TRIM43: variants seen among roughly 807,000 people sequenced by gnomAD.
TRIM43 encodes tripartite motif containing 43.
Under a neutral mutation model 27.7 loss-of-function variants are expected in TRIM43, and 12 were observed. The observed-to-expected ratio is 0.43, with a 90% CI of 0.28 to 0.70. The LOEUF (loss-of-function observed/expected upper bound fraction) is 0.70, where lower values mean the gene tolerates loss of function less well. TRIM43 is among the 30% of genes least tolerant of loss of function. The pLI is 0.17. For synonymous variants in TRIM43, 64 were observed against 121.9 expected (o/e 0.52, Z 3.13); for missense variants, 186 against 356.5 (o/e 0.52, Z 3.85).
chr2:95,594,990 C>T, intron 2 of TRIM43, 60 bp from the exon 3 acceptor site: 1 of 1,565,080 alleles, frequency 6.4e-7, no homozygotes, highest in Non-Finnish European at 8.7e-7. Context: ...GTATACCACT[C>T]AGATTGTGGA....
In TRIM43 at chr2:95,594,198, T is replaced by C. The variant is rs761213139; in HGVS notation, c.175T>C (p.Ser59Pro). 6.2e-7 allele frequency: 1 copy of C among 1,610,544 alleles called. No homozygotes were observed. The highest frequency in any genetic ancestry group is 8.5e-7 in the Non-Finnish European group (1 of 1,178,144). The change falls in exon 2 of 7, where the codon TCA (serine) becomes CCA (proline). Residue 59 changes from serine to proline, a missense_variant. Coordinates refer to ENST00000272395, the MANE Select transcript of TRIM43 (RefSeq NM_138800.3). Reference protein sequence around the residue: ...PANCPACREPSPKMDFKTNIL... With the variant: ...PANCPACREPPPKMDFKTNIL... Reference sequence around the variant, plus strand: ...AAACTGCCCTGCATGCAGGGAACCATCACCGAAAATGGACTTCAAAACCAA... The same window carrying C: ...AAACTGCCCTGCATGCAGGGAACCACCACCGAAAATGGACTTCAAAACCAA...
Position 95,595,041 on chromosome 2 carries a change from C to G in TRIM43, c.412-9C>G. ...CTTTCTGTTGTTCAACCTTGTAATT[C>G]TTTTGCAGGAGAAACTCTTAAAGCA... On this transcript the variant is annotated splice_polypyrimidine_tract_variant and intron_variant, in intron 2 of 6. Transcript: ENST00000272395. 1 of 1,606,910 alleles carries G rather than the reference C, an allele frequency of 6.2e-7. No homozygotes were observed. The highest frequency in any genetic ancestry group is 8.5e-7 in the Non-Finnish European group (1 of 1,175,596).
At chr2:95,592,289 A>AT (rs1162435132) in intron 1 of TRIM43, 140 bp downstream of exon 1, 1 of 151,784 alleles carries the variant, frequency 6.6e-6, no homozygotes, top group Non-Finnish European at 1.5e-5. Context: ...AAACGGCTCC[A>AT]TTTCTTTTTT....
rs71427043 is a variant in TRIM43, at chr2:95,593,897, G to A, written c.-4-123G>A. On this transcript the variant is annotated intron_variant, in intron 1 of 6. Transcript: ENST00000272395. ...TGTTTTTCCTATTTCTGTCATTGCAGATTAAAGCCTATACTTCTTTAGAAA... is the reference window on the plus strand; with the variant it reads ...TGTTTTTCCTATTTCTGTCATTGCAAATTAAAGCCTATACTTCTTTAGAAA... The A allele has an allele frequency of 2.0e-6, 3 of 1,521,126 alleles. No individual in the cohort carries two copies. In the African/African-American group the frequency reaches 4.2e-5, roughly 21 times the overall value. 94.2% of individuals were successfully genotyped at this position (1,521,126 alleles called of 1,614,324 possible).
Position 95,594,430 on chromosome 2 carries a change from A to T in TRIM43, c.407A>T (p.His136Leu), listed in dbSNP as rs750393692. The T allele has an allele frequency of 6.2e-7, 1 of 1,610,860 alleles. No homozygotes were observed. The highest frequency in any genetic ancestry group is 2.2e-5 in the East Asian group (1 of 44,864). ...HHPIEEAAEEHREKLLKQMRI... is the reference protein window; with the variant it reads ...HHPIEEAAEELREKLLKQMRI... ...CCCATCGAAGAGGCAGCTGAGGAAC[A>T]CCGGGTAAGAGATAGCTCTGTGATC... Residue 136 changes from histidine to leucine, a missense_variant, in exon 2 of 7, where the codon CAC becomes CTC. His to Leu is a moderately conservative substitution (Grantham distance 99). Coordinates refer to ENST00000272395, the MANE Select transcript of TRIM43 (RefSeq NM_138800.3).
intron 4 of TRIM43, 25 bp downstream of exon 4, chr2:95,596,457 G>A (rs769812709): frequency 6.4e-7 from 1 of 1,562,784 alleles, no homozygotes; most frequent in Admixed American, 1.8e-5. Context: ...TGCCCCTTGA[G>A]ACACTTTGTG....
At chr2:95,598,964 TCC>T in intron 6 of TRIM43, 126 bp from the exon 7 acceptor site, 1 of 2,806 alleles carries the variant, frequency 3.6e-4, no homozygotes, top group Non-Finnish European at 6.8e-4. Flanking sequence ...ACCCTTTGAT[TCC>T]AACATTTTTC....
rs2464729 is a variant in TRIM43, at chr2:95,594,429, C to T, written c.406C>T (p.His136Tyr). The T allele has an allele frequency of 1.1e-4, 180 of 1,610,314 alleles. 5 individuals carry two copies. The highest frequency in any genetic ancestry group is 1.4e-4 in the Non-Finnish European group (160 of 1,179,420). The stretch of plus-strand genomic sequence containing the variant: ...TCCCATCGAAGAGGCAGCTGAGGAA[C>T]ACCGGGTAAGAGATAGCTCTGTGAT... The part of the protein sequence containing the change: ...HHPIEEAAEE[H>Y]REKLLKQMRI... Residue 136 changes from histidine to tyrosine, a missense_variant, in exon 2 of 7, where the codon CAC becomes TAC. Transcript: ENST00000272395.
At chr2:95,592,878 G>A (rs1166320967) in intron 1 of TRIM43, among the ~76,000 whole-genome samples, 1 of 150,600 alleles carries the variant, frequency 6.6e-6, no homozygotes, top group East Asian at 1.9e-4. Context: ...CTGACTTACT[G>A]TCTAGTGCCT....
At chr2:95,592,185 A>G (rs1441536938) in intron 1 of TRIM43, 36 bp downstream of exon 1, 1 of 151,886 alleles carries the variant, frequency 6.6e-6, no homozygotes, top group Admixed American at 6.6e-5. Flanking sequence ...AGCTACTATT[A>G]GGAGCTACAA....
At chr2:95,593,036 A>G (rs903328870) in intron 1 of TRIM43, among the ~76,000 whole-genome samples, 3 of 151,474 alleles carry the variant, frequency 2.0e-5, no homozygotes, top group Admixed American at 6.6e-5. Context: ...AGCTGGGACT[A>G]CAGGCGTCCT....
intron 4 of TRIM43, 53 bp downstream of exon 4, chr2:95,596,485 C>T (rs1685357141): frequency 6.7e-7 from 1 of 1,494,576 alleles, no homozygotes; most frequent in East Asian, 2.5e-5. Flanking sequence ...ACCTTTACAT[C>T]TTTGCCTTCC....
rs573084944 is a variant in TRIM43, at chr2:95,595,064, G to T, written c.426G>T (p.Lys142Asn). 6.2e-7 allele frequency: 1 copy of T among 1,610,172 alleles called. No homozygotes were observed. The highest frequency in any genetic ancestry group is 1.7e-5 in the Admixed American group (1 of 59,620). The change falls in exon 3 of 7, where the codon AAG (lysine) becomes AAT (asparagine). Residue 142 changes from lysine to asparagine, a missense_variant. Physicochemically the swap from Lys to Asn is moderately conservative, Grantham distance 94. Transcript: ENST00000272395. ...AAEEHREKLL[K>N]QMRILWKKIQ... ...TTCTTTTGCAGGAGAAACTCTTAAA[G>T]CAAATGAGGATTTTATGGAAAAAGA...
chr2:95,592,625 C>T (rs1181086218), intron 1 of TRIM43, among the ~76,000 whole-genome samples: 3 of 151,520 alleles, frequency 2.0e-5, no homozygotes, highest in Non-Finnish European at 4.4e-5. Flanking sequence ...TTCACCTCCG[C>T]CTCTGAAAGT....
chr2:95,595,183 G>A (rs1349984327), intron 3 of TRIM43, 38 bp downstream of exon 3: 36 of 1,492,008 alleles, frequency 2.4e-5, no homozygotes, highest in Non-Finnish European at 3.2e-5. Context: ...ACCAGCTTGA[G>A]ACAGGCATGC....
In TRIM43 at chr2:95,594,122, C is replaced by T. The variant is rs756512146; in HGVS notation, c.99C>T (p.Ser33=). 4.2e-5 allele frequency: 68 copies of T among 1,612,792 alleles called. 1 individual carries two copies. Among genetic ancestry groups the T allele is most frequent in the Non-Finnish European group, 5.4e-5 (64 of 1,179,636 alleles). ...CTGTCACCATCTGCTGTGGGCACAGCTTCTGTAGGCCCTGTCTCTGCCTTT... is the reference window on the plus strand; with the variant it reads ...CTGTCACCATCTGCTGTGGGCACAGTTTCTGTAGGCCCTGTCTCTGCCTTT... The part of the protein sequence containing the change: ...VDPVTICCGH[S]FCRPCLCLSW... Residue 33 remains serine, a synonymous_variant, in exon 2 of 7, where the codon AGC becomes AGT. Coordinates refer to ENST00000272395, the MANE Select transcript of TRIM43 (RefSeq NM_138800.3).
At chr2:95,595,283 T>C in intron 3 of TRIM43, 138 bp downstream of exon 3, 1 of 588,862 alleles carries the variant, frequency 1.7e-6, no homozygotes. Flanking sequence ...AACCAGACTG[T>C]TCAACATAAC....
chr2:95,595,197 C>T (rs780063639), intron 3 of TRIM43, 52 bp downstream of exon 3: 2 of 1,345,582 alleles, frequency 1.5e-6, no homozygotes, highest in Admixed American at 2.4e-5. Context: ...GGCATGCTGA[C>T]AACATTTATA....
chr2:95,595,275 C>A, intron 3 of TRIM43, 130 bp downstream of exon 3: 1 of 636,320 alleles, frequency 1.6e-6, no homozygotes, highest in Non-Finnish European at 2.6e-6. Context: ...TGGAAAACAA[C>A]CAGACTGTTC....
Sources: gnomAD v4.1 joint callset for allele counts (sites outside exome capture counted in the v4.1 genomes callset) on GRCh38, gnomAD v4.1.1 for gene constraint, MANE v1.5 for transcripts, NCBI Gene and HGNC (gene_info 2026-07-23, HGNC 2026-07-21) for gene names.